NIPA1: variants seen among roughly 807,000 people sequenced by gnomAD.
The protein encoded by NIPA1 is magnesium transporter NIPA1.
NIPA1 carries 13 observed loss-of-function variants against 23.9 expected under a neutral mutation model. The observed-to-expected ratio is 0.54, with a 90% CI of 0.35 to 0.87. The LOEUF is 0.87. Ranked by LOEUF, NIPA1 falls within the 40% of genes least tolerant of loss-of-function variation. NIPA1 has a pLI of 0.01. For missense variants in NIPA1, 362 were observed against 429.7 expected (o/e 0.84, Z 1.39); for synonymous variants, 234 against 202.9 (o/e 1.15, Z -1.30).
intron 1 of NIPA1, among the ~76,000 whole-genome samples, chr15:22,810,147 G>A (rs1365848133): frequency 2.6e-5 from 4 of 152,216 alleles, no homozygotes; most frequent in African/African-American, 9.6e-5. Context: ...AGAGGCAGGG[G>A]GAGGGAGGAA....
intron 3 of NIPA1, chr15:22,813,626 A>T: frequency 2.2e-6 from 1 of 456,086 alleles, no homozygotes; most frequent in Non-Finnish European, 4.4e-6. Flanking sequence ...TTTCTGCTGT[A>T]TTCCAGACAG....
intron 1 of NIPA1, among the ~76,000 whole-genome samples, chr15:22,805,434 C>T (rs918305228): frequency 5.3e-5 from 8 of 152,126 alleles, no homozygotes; most frequent in African/African-American, 1.9e-4. Flanking sequence ...CGCCTGTAAT[C>T]CCAGCACTTT....
intron 4 of NIPA1, among the ~76,000 whole-genome samples, chr15:22,822,939 G>A (rs571343181): frequency 8.0e-4 from 75 of 93,834 alleles, no homozygotes; most frequent in African/African-American, 1.3e-3. Context: ...TTTTTTTTGA[G>A]ACGGACTCTT....
At chr15:22,814,315 T>A (rs996019052) in intron 3 of NIPA1, among the ~76,000 whole-genome samples, 5 of 151,914 alleles carry the variant, frequency 3.3e-5, no homozygotes, top group African/African-American at 4.8e-5. Context: ...TGGAGTGCAG[T>A]GGCACGATCT....
At chr15:22,813,636 G>C (rs1428069565) in intron 3 of NIPA1, 1 of 455,936 alleles carries the variant, frequency 2.2e-6, no homozygotes, top group Non-Finnish European at 4.4e-6. Context: ...ATTCCAGACA[G>C]ATGCCCAAAT....
At chr15:22,789,095 C>A (rs1342518542) in intron 1 of NIPA1, among the ~76,000 whole-genome samples, 3 of 151,142 alleles carry the variant, frequency 2.0e-5, no homozygotes, top group Non-Finnish European at 4.4e-5. Context: ...CGGGTTCAAG[C>A]GATTCGCCTG....
At chr15:22,791,618 G>T (rs1426715471) in intron 1 of NIPA1, among the ~76,000 whole-genome samples, 1 of 151,328 alleles carries the variant, frequency 6.6e-6, no homozygotes, top group Non-Finnish European at 1.5e-5. Context: ...CCAGTAGCTG[G>T]CATTACAGGC....
At chr15:22,794,502 T>G (rs1197688516) in intron 1 of NIPA1, among the ~76,000 whole-genome samples, 1 of 151,980 alleles carries the variant, frequency 6.6e-6, no homozygotes, top group Non-Finnish European at 1.5e-5. Context: ...ATGATAAAGT[T>G]TATGTTATGT....
chr15:22,813,230 G>A lies in NIPA1; in HGVS notation c.317+977G>A, dbSNP rs559896145. 1.2e-3 allele frequency among the ~76,000 whole-genome samples: 182 copies of A among 152,174 alleles called. 4 individuals are homozygous for A. In the Middle Eastern group the frequency reaches 0.034, roughly 28 times the overall value. On this transcript the variant is annotated intron_variant, in intron 3 of 4. Transcript: ENST00000337435. ...CCCATGCCAAGGGACTGAGGACTCTGGGAACTGAGGACTCCAGGGACCCAG... is the reference window on the plus strand; with the variant it reads ...CCCATGCCAAGGGACTGAGGACTCTAGGAACTGAGGACTCCAGGGACCCAG...
Position 22,823,750 on chromosome 15 carries a change from C to T in NIPA1, c.501C>T (p.Ile167=), listed in dbSNP as rs766904699. The T allele has an allele frequency of 8.7e-6, 14 of 1,610,378 alleles. No homozygotes were observed. Among genetic ancestry groups the T allele is most frequent in the African/African-American group, 4.0e-5 (3 of 74,914 alleles). ...CAGTGTTTGTGGGCTACCTGTGCAT[C>T]GTGCTGCTCATGCTGCTGCTGCTCA... The part of the protein sequence containing the change: ...TNPVFVGYLC[I]VLLMLLLLIF... Residue 167 remains isoleucine (I), a synonymous_variant, in exon 5 of 5, where the codon ATC becomes ATT. Coordinates refer to ENST00000337435, the MANE Select transcript of NIPA1 (RefSeq NM_144599.5).
rs956501134 is a variant in NIPA1, at chr15:22,828,067, C to T, written c.*3828C>T. ...AACATTTCAGTGTAAGGTCTGTTCC[C>T]GACAGCATGGATTAGCTTCCGTGTT... On this transcript the variant is annotated 3_prime_UTR_variant, in exon 5 of 5. Transcript: ENST00000337435. 1.3e-4 allele frequency: 20 copies of T among 152,514 alleles called. No individual in the cohort carries two copies. The highest frequency in any genetic ancestry group is 1.1e-3 in the Admixed American group (17 of 15,272). 9.4% of individuals were successfully genotyped at this position (152,514 alleles called of 1,614,324 possible). A position where few individuals can be genotyped will look rare whatever the true frequency, so the allele number is the denominator to read the frequency against.
Position 22,801,214 on chromosome 15 carries a change from G to A in NIPA1, c.179-9535G>A, listed in dbSNP as rs576180279. On this transcript the variant is annotated intron_variant, in intron 1 of 4. Coordinates refer to ENST00000337435, the MANE Select transcript of NIPA1 (RefSeq NM_144599.5). ...CAAACATATTCAGGGCTGCATGAAT[G>A]TTACCGTTCTACTTTTACAGGGCAT... Among the ~76,000 whole-genome samples the A allele has an allele frequency of 1.3e-3, 205 of 152,268 alleles. 1 individual carries two copies. Among genetic ancestry groups the A allele is most frequent in the African/African-American group, 4.4e-3 (183 of 41,552 alleles).
At chr15:22,815,989 C>CTT (rs1458103258) in intron 3 of NIPA1, among the ~76,000 whole-genome samples, 1 of 152,060 alleles carries the variant, frequency 6.6e-6, no homozygotes, top group Non-Finnish European at 1.5e-5. Context: ...TAACATCATA[C>CTT]TTAATGGCAC....
chr15:22,803,652 G>A (rs926491684), intron 1 of NIPA1, among the ~76,000 whole-genome samples: 52 of 146,266 alleles, frequency 3.6e-4, no homozygotes, highest in Middle Eastern at 3.4e-3. Flanking sequence ...GGGATTACAG[G>A]CACCTGCTAC....
chr15:22,823,960 C>G lies in NIPA1; in HGVS notation c.711C>G (p.Leu237=), dbSNP rs773200808. 6.2e-7 allele frequency: 1 copy of G among 1,614,186 alleles called. No homozygotes were observed. The highest frequency in any genetic ancestry group is 1.7e-5 in the Admixed American group (1 of 60,026). ...LCLCLVLLAV[L]GCSIIVQFRY... Reference sequence around the variant, plus strand: ...TGTGCCTGGTACTCCTGGCCGTGCTCGGCTGCAGCATCATCGTCCAGTTCA... The same window carrying G: ...TGTGCCTGGTACTCCTGGCCGTGCTGGGCTGCAGCATCATCGTCCAGTTCA... The change falls in exon 5 of 5, where the codon CTC becomes CTG. Residue 237 remains leucine, a synonymous_variant. Coordinates refer to ENST00000337435, the MANE Select transcript of NIPA1 (RefSeq NM_144599.5).
intron 1 of NIPA1, among the ~76,000 whole-genome samples, chr15:22,787,053 G>A (rs1894723369): frequency 6.6e-6 from 1 of 151,852 alleles, no homozygotes; most frequent in African/African-American, 2.4e-5. Context: ...AATCACAGGT[G>A]CGTCCTGAGC....
intron 3 of NIPA1, among the ~76,000 whole-genome samples, chr15:22,816,254 T>C (rs1895415341): frequency 6.8e-6 from 1 of 146,980 alleles, no homozygotes; most frequent in African/African-American, 2.5e-5. Context: ...AGTTGTGTGA[T>C]CTTGGCTCAC....
chr15:22,801,918 G>A (rs1366722430), intron 1 of NIPA1, among the ~76,000 whole-genome samples: 2 of 152,142 alleles, frequency 1.3e-5, no homozygotes, highest in African/African-American at 4.8e-5. Context: ...ATACTGCACT[G>A]AGCTTCCCTG....
intron 1 of NIPA1, among the ~76,000 whole-genome samples, chr15:22,792,603 C>T (rs1894856173): frequency 6.6e-6 from 1 of 152,116 alleles, no homozygotes; most frequent in East Asian, 1.9e-4. Flanking sequence ...CGTGATCTGC[C>T]TTCTTCGGCC....
Sources: allele counts gnomAD v4.1 joint callset (sites outside exome capture counted in the v4.1 genomes callset), GRCh38; gene constraint gnomAD v4.1.1; transcripts MANE v1.5; gene names NCBI Gene and HGNC (gene_info 2026-07-23, HGNC 2026-07-21).